Variants in ARRB1 observed in about 807,000 individuals in gnomAD.
ARRB1 encodes beta-arrestin-1.
ARRB1 carries 21 observed loss-of-function variants against 56.8 expected under a neutral mutation model. The observed-to-expected ratio is 0.37, with a 90% CI of 0.26 to 0.53. ARRB1 has a LOEUF of 0.53. ARRB1 is among the 20% of genes least tolerant of loss of function. ARRB1 has a pLI of 0.88. For synonymous variants in ARRB1, 210 were observed against 218.6 expected (o/e 0.96, Z 0.35); for missense variants, 424 against 553.7 (o/e 0.77, Z 2.35).
intron 14 of ARRB1, 27 bp downstream of exon 14, chr11:75,268,862 C>A (rs745798686): frequency 1.9e-6 from 3 of 1,605,142 alleles, no homozygotes; most frequent in Non-Finnish European, 2.5e-6. Context: ...AGAACCCCTA[C>A]CCCAGAGACC....
chr11:75,266,225 T>C lies in ARRB1; in HGVS notation c.1195A>G (p.Met399Val), dbSNP rs145772634. ...TCCTCTTCCTCCTTGTCATCCTTCATGCCTTTCAGTCTCTGGCGAGCAAAG... is the reference window on the plus strand; with the variant it reads ...TCCTCTTCCTCCTTGTCATCCTTCACGCCTTTCAGTCTCTGGCGAGCAAAG... ...EDFARQRLKG[M>V]KDDKEEEEDG... Residue 399 changes from methionine (M) to valine (V), a missense_variant, in exon 16 of 16, where the codon ATG (methionine) becomes GTG (valine). By Grantham distance (21) the Met-to-Val change is conservative. Transcript: ENST00000420843. 547 of 1,614,236 alleles carry C rather than the reference T, an allele frequency of 3.4e-4. 3 individuals carry two copies. In the East Asian group the frequency reaches 5.2e-3, roughly 15 times the overall value.
At chr11:75,268,698 G>A (rs547199617) in intron 14 of ARRB1, among the ~76,000 whole-genome samples, 191 bp downstream of exon 14, 1 of 152,022 alleles carries the variant, frequency 6.6e-6, no homozygotes, top group Non-Finnish European at 1.5e-5. Context: ...CTCTCCCATG[G>A]GGAACAGGAG....
chr11:75,294,374 T>C (rs1480608109), intron 1 of ARRB1, among the ~76,000 whole-genome samples: 3 of 151,940 alleles, frequency 2.0e-5, no homozygotes, highest in African/African-American at 2.4e-5. Flanking sequence ...CTGGTCAACA[T>C]GGTGAAACCC....
chr11:75,328,347 C>A (rs989694254), intron 1 of ARRB1, among the ~76,000 whole-genome samples: 4 of 152,224 alleles, frequency 2.6e-5, no homozygotes, highest in African/African-American at 9.6e-5. Flanking sequence ...CATTCATCTG[C>A]AGATGGGCAT....
chr11:75,280,656 C>A (rs1946312547), intron 7 of ARRB1, among the ~76,000 whole-genome samples: 1 of 152,246 alleles, frequency 6.6e-6, no homozygotes, highest in African/African-American at 2.4e-5. Flanking sequence ...CACTTAGAAG[C>A]TGCCATTGAC....
rs57881454 is a variant in ARRB1 at position 75,276,425 on chromosome 11, A to G, written c.776+414T>C. Among the ~76,000 whole-genome samples, 199 of 152,224 alleles carry G rather than the reference A, an allele frequency of 1.3e-3. 7 individuals carry two copies. In the East Asian group the frequency reaches 0.036, roughly 27 times the overall value. Reference sequence around the variant, plus strand: ...CTCCCACACACAACCCCTTTTTCCCAATGAGTTGGATTACCCCTTTATCAG... The same window carrying G: ...CTCCCACACACAACCCCTTTTTCCCGATGAGTTGGATTACCCCTTTATCAG... On this transcript the variant is annotated intron_variant, in intron 10 of 15. Transcript: ENST00000420843.
chr11:75,284,182 G>T (rs480174), intron 4 of ARRB1, 53 bp downstream of exon 4: 1 of 1,545,036 alleles, frequency 6.5e-7, no homozygotes, highest in South Asian at 1.2e-5. Flanking sequence ...CTAGAGGTCC[G>T]GGGGGAAGAG....
At chr11:75,322,631 G>A (rs1010884539) in intron 1 of ARRB1, among the ~76,000 whole-genome samples, 5 of 152,212 alleles carry the variant, frequency 3.3e-5, no homozygotes, top group African/African-American at 1.2e-4. Context: ...TCACCAGAAG[G>A]CCAGATCAGA....
At chr11:75,295,525 C>G (rs2140450619) in intron 1 of ARRB1, among the ~76,000 whole-genome samples, 1 of 152,280 alleles carries the variant, frequency 6.6e-6, no homozygotes, top group South Asian at 2.1e-4. Flanking sequence ...TATAAAGACC[C>G]CTGGGACTAT....
At chr11:75,351,106 G>A (rs1039178272) in intron 1 of ARRB1, among the ~76,000 whole-genome samples, 3 of 152,224 alleles carry the variant, frequency 2.0e-5, no homozygotes, top group Non-Finnish European at 1.5e-5. Context: ...GCCAGCACGA[G>A]GGTGTGCTAG....
intron 1 of ARRB1, among the ~76,000 whole-genome samples, chr11:75,328,305 GTACAGCA>G (rs1947472277): frequency 6.6e-6 from 1 of 152,130 alleles, no homozygotes; most frequent in Non-Finnish European, 1.5e-5. Flanking sequence ...GAATAATGTT[GTACAGCA>G]TGGATATACC....
At chr11:75,293,414 C>A (rs1406693756) in intron 1 of ARRB1, among the ~76,000 whole-genome samples, 1 of 152,152 alleles carries the variant, frequency 6.6e-6, no homozygotes, top group African/African-American at 2.4e-5. Context: ...ACTTCCTGAC[C>A]CTAACACTAT....
In ARRB1 at chr11:75,347,758, C is replaced by T. The variant is rs75123678; in HGVS notation, c.20+3830G>A. On this transcript the variant is annotated intron_variant, in intron 1 of 15. Coordinates refer to ENST00000420843, the MANE Select transcript of ARRB1 (RefSeq NM_004041.5). ...CAAAATGGGGACAACAATGACTACA[C>T]TACTAGATTACAGTTGAATTCATTG... Among the ~76,000 whole-genome samples the T allele has an allele frequency of 4.7e-3, 709 of 152,294 alleles. 1 individual carries two copies. Among genetic ancestry groups the T allele is most frequent in the African/African-American group, 0.016 (676 of 41,556 alleles).
intron 7 of ARRB1, among the ~76,000 whole-genome samples, chr11:75,279,217 A>AC (rs1223659990): frequency 1.6e-4 from 24 of 152,228 alleles, no homozygotes; most frequent in African/African-American, 5.8e-4. Context: ...TATAATAAAC[A>AC]ACTGCCAGAT....
chr11:75,277,927 C>G (rs190508071), intron 8 of ARRB1, among the ~76,000 whole-genome samples: 2 of 152,194 alleles, frequency 1.3e-5, no homozygotes, highest in South Asian at 4.1e-4. Flanking sequence ...CTCTGTGCAA[C>G]GAAGGGGTTG....
chr11:75,267,316 T>C (rs1158899738), intron 15 of ARRB1, among the ~76,000 whole-genome samples: 1 of 152,066 alleles, frequency 6.6e-6, no homozygotes, highest in East Asian at 1.9e-4. Context: ...CTGGTTGGCG[T>C]GGGCAGGACA....
chr11:75,276,576 C>A (rs546401883), intron 10 of ARRB1, among the ~76,000 whole-genome samples: 1 of 152,302 alleles, frequency 6.6e-6, no homozygotes, highest in African/African-American at 2.4e-5. Context: ...ACCCCAATCC[C>A]CTTACATTCA....
chr11:75,279,406 G>C (rs1032732824), intron 7 of ARRB1, among the ~76,000 whole-genome samples: 1 of 152,146 alleles, frequency 6.6e-6, no homozygotes, highest in African/African-American at 2.4e-5. Flanking sequence ...GAAGATTACA[G>C]GGGATCAGGG....
chr11:75,328,585 TG>T (rs1326562112), intron 1 of ARRB1, among the ~76,000 whole-genome samples: 11 of 152,210 alleles, frequency 7.2e-5, no homozygotes, highest in African/African-American at 2.7e-4. Flanking sequence ...CCATCCCAAG[TG>T]TCATGCCTTC....
Sources: allele counts gnomAD v4.1 joint callset (sites outside exome capture counted in the v4.1 genomes callset), GRCh38; gene constraint gnomAD v4.1.1; transcripts MANE v1.5; gene names NCBI Gene and HGNC (gene_info 2026-07-23, HGNC 2026-07-21).